SAMMSON: variants seen among roughly 807,000 people sequenced by gnomAD.
SAMMSON encodes long intergenic non-protein coding RNA 1212.
At chr3:70,368,724 T>G (rs968724053) in intron 9 of SAMMSON, among the ~76,000 whole-genome samples, 1 of 151,668 alleles carries the variant, frequency 6.6e-6, no homozygotes, top group Non-Finnish European at 1.5e-5. Context: ...TCTGTTGATT[T>G]ATGTGTTTAT....
chr3:70,418,999 C>CTCTCTCTCTCTTTCTT lies in SAMMSON; in HGVS notation n.234-43558_234-43557insCTCTCTCTTTCTTTCT, dbSNP rs1553664169. On this transcript the variant is annotated intron_variant and non_coding_transcript_variant, in intron 2 of 3. Transcript: ENST00000641053. The stretch of plus-strand genomic sequence containing the variant: ...CTTCCTTCTCTCTCTCTCTCTCTCT[C>CTCTCTCTCTCTTTCTT]TCTTTCTTTCTTTCTTTCCTTCTTT... Among the ~76,000 whole-genome samples, 59 of 119,342 alleles carry CTCTCTCTCTCTTTCTT rather than the reference C, an allele frequency of 4.9e-4. 1 individual carries two copies. The highest frequency in any genetic ancestry group is 1.8e-3 in the African/African-American group (51 of 28,686). 78.3% of individuals were successfully genotyped at this position (119,342 alleles called of 152,430 possible).
Position 70,214,607 on chromosome 3 carries a change from CT to C in SAMMSON, n.508-34486del, listed in dbSNP as rs11391954. 2.8e-3 allele frequency among the ~76,000 whole-genome samples: 392 copies of C among 140,260 alleles called. 1 individual carries two copies. Among genetic ancestry groups the C allele is most frequent in the African/African-American group, 9.3e-3 (358 of 38,320 alleles). 92.0% of individuals were successfully genotyped at this position (140,260 alleles called of 152,430 possible). A position where few individuals can be genotyped will look rare whatever the true frequency, so the allele number is the denominator to read the frequency against. ...TTCAATTTTTGGGGGCTGAAGTGGGCTTTTTTTTTTTTTTATCTAACTATTC... is the reference window on the plus strand; with the variant it reads ...TTCAATTTTTGGGGGCTGAAGTGGGCTTTTTTTTTTTTTATCTAACTATTC... On this transcript the variant is annotated intron_variant and non_coding_transcript_variant, in intron 4 of 9. Coordinates refer to ENST00000642114, the Ensembl canonical transcript of SAMMSON.
chr3:70,276,324 C>T (rs1343079597), intron 6 of SAMMSON, among the ~76,000 whole-genome samples: 1 of 152,018 alleles, frequency 6.6e-6, no homozygotes, highest in Admixed American at 6.6e-5. Context: ...TATATTATTC[C>T]ATCTTATGAA....
rs192750910 is a variant in SAMMSON at position 70,336,114 on chromosome 3, C to T, written n.740-18061C>T. Reference sequence around the variant, plus strand: ...TTTAAAGAATCACTGTACAAAATAGCACTCAGCACCCAGAAAAGTCTATGA... The same window carrying T: ...TTTAAAGAATCACTGTACAAAATAGTACTCAGCACCCAGAAAAGTCTATGA... On this transcript the variant is annotated intron_variant and non_coding_transcript_variant, in intron 7 of 9. Transcript: ENST00000642114. Among the ~76,000 whole-genome samples the T allele has an allele frequency of 1.5e-3, 223 of 152,082 alleles. 3 individuals carry two copies. The highest frequency in any genetic ancestry group is 6.8e-3 in the Middle Eastern group (2 of 294).
intron 3 of SAMMSON, among the ~76,000 whole-genome samples, chr3:70,029,068 G>C (rs1330006008): frequency 1.3e-5 from 2 of 152,104 alleles, no homozygotes; most frequent in African/African-American, 4.8e-5. Flanking sequence ...CATATTGCAG[G>C]TGCATGTAAT....
chr3:70,036,040 A>T (rs144264255), intron 3 of SAMMSON, among the ~76,000 whole-genome samples: 1 of 152,202 alleles, frequency 6.6e-6, no homozygotes, highest in Non-Finnish European at 1.5e-5. Context: ...ATTGTCTTCA[A>T]TGGGCTTACA....
At chr3:70,004,838 C>G (rs1012225724) in intron 1 of SAMMSON, among the ~76,000 whole-genome samples, 3 of 152,174 alleles carry the variant, frequency 2.0e-5, no homozygotes, top group Admixed American at 2.0e-4. Context: ...TCTCTGATCA[C>G]GTGTAAAACA....
At chr3:70,332,647 G>A (rs1028246093) in intron 7 of SAMMSON, 1 of 152,276 alleles carries the variant, frequency 6.6e-6, no homozygotes, top group Non-Finnish European at 1.5e-5. Flanking sequence ...CCAGGCTGGA[G>A]TGCAGTGTGG....
chr3:70,190,277 C>T (rs1419384007), intron 4 of SAMMSON, among the ~76,000 whole-genome samples: 1 of 152,212 alleles, frequency 6.6e-6, no homozygotes, highest in African/African-American at 2.4e-5. Flanking sequence ...TTCAAGCCTT[C>T]ATCACCCCAT....
In SAMMSON at chr3:70,088,659, G is replaced by A. The variant is rs531469952; in HGVS notation, n.507+17094G>A. Among the ~76,000 whole-genome samples, 7 of 152,266 alleles carry A rather than the reference G, an allele frequency of 4.6e-5. No homozygotes were observed. In the South Asian group the frequency reaches 1.5e-3, roughly 32 times the overall value. On this transcript the variant is annotated intron_variant and non_coding_transcript_variant, in intron 4 of 9. Coordinates refer to ENST00000642114, the Ensembl canonical transcript of SAMMSON. Reference sequence around the variant, plus strand: ...TGAGCTATCGTCATTCAGTAACTGAGCCTCAGTTTCCTCTTTTTTGAAACT... The same window carrying A: ...TGAGCTATCGTCATTCAGTAACTGAACCTCAGTTTCCTCTTTTTTGAAACT...
intron 4 of SAMMSON, among the ~76,000 whole-genome samples, chr3:70,195,044 G>T (rs984699503): frequency 1.3e-5 from 2 of 152,126 alleles, no homozygotes. Context: ...CTGAGAATTG[G>T]GTAGTGCAGG....
intron 1 of SAMMSON, among the ~76,000 whole-genome samples, chr3:70,009,522 C>T (rs1377074604): frequency 1.3e-5 from 2 of 152,082 alleles, no homozygotes; most frequent in East Asian, 1.9e-4. Context: ...TTTGATTCTT[C>T]TCTCTTTTCT....
intron 7 of SAMMSON, among the ~76,000 whole-genome samples, chr3:70,320,435 A>G (rs545929627): frequency 6.6e-6 from 1 of 152,084 alleles, no homozygotes; most frequent in Non-Finnish European, 1.5e-5. Context: ...TTCTACCATC[A>G]GCAGAAATGT....
chr3:70,236,072 A>G (rs1701605800), intron 4 of SAMMSON, among the ~76,000 whole-genome samples: 2 of 151,978 alleles, frequency 1.3e-5, no homozygotes. Context: ...CTTTCCCACG[A>G]CCTTGGCTTT....
intron 7 of SAMMSON, among the ~76,000 whole-genome samples, chr3:70,326,860 A>G (rs2106720369): frequency 6.6e-6 from 1 of 152,060 alleles, no homozygotes; most frequent in Non-Finnish European, 1.5e-5. Flanking sequence ...GATAATGATA[A>G]TATATATATA....
At chr3:70,383,297 G>T (rs950948701) in intron 9 of SAMMSON, among the ~76,000 whole-genome samples, 2 of 150,396 alleles carry the variant, frequency 1.3e-5, no homozygotes, top group African/African-American at 4.9e-5. Context: ...CTTTCTACTT[G>T]GTTAAAAGTG....
At chr3:70,183,234 A>T (rs1314051039) in intron 4 of SAMMSON, 1 of 152,230 alleles carries the variant, frequency 6.6e-6, no homozygotes, top group Non-Finnish European at 1.5e-5. Flanking sequence ...AGAGATGATT[A>T]TGAATGTGCA....
intron 4 of SAMMSON, among the ~76,000 whole-genome samples, chr3:70,246,283 C>A (rs898714253): frequency 6.6e-6 from 1 of 152,064 alleles, no homozygotes; most frequent in Admixed American, 6.6e-5. Flanking sequence ...AAAGGTCACA[C>A]TTTGTTACTT....
chr3:70,415,524 G>C (rs752311312), intron 2 of SAMMSON, among the ~76,000 whole-genome samples: 3 of 152,122 alleles, frequency 2.0e-5, no homozygotes, highest in Non-Finnish European at 4.4e-5. Context: ...ATTGTTATAA[G>C]ACTGGATCTG....
Sources: gnomAD v4.1 joint callset for allele counts (sites outside exome capture counted in the v4.1 genomes callset) on GRCh38, gnomAD v4.1.1 for gene constraint, MANE v1.5 for transcripts, NCBI Gene and HGNC (gene_info 2026-07-23, HGNC 2026-07-21) for gene names.